The following SEC24B variants were observed in gnomAD, a reference collection of about 807,000 sequenced individuals.
The protein encoded by SEC24B is protein transport protein Sec24B.
A neutral mutation model predicts 142.8 loss-of-function variants in SEC24B; 45 were observed. The ratio of observed to expected loss-of-function variants is 0.32; its 90% CI spans 0.25 to 0.40. SEC24B has a LOEUF of 0.40. Among genes scored for constraint, SEC24B ranks in the 10% least tolerant of loss-of-function variants. SEC24B has a pLI of 1.00. For synonymous variants in SEC24B, 574 were observed against 568.2 expected (o/e 1.01, Z -0.15); for missense variants, 1,409 against 1,526.8 (o/e 0.92, Z 1.29).
At chr4:109,436,653 G>A (rs1168670683) in intron 1 of SEC24B, among the ~76,000 whole-genome samples, 2 of 152,172 alleles carry the variant, frequency 1.3e-5, no homozygotes, top group African/African-American at 4.8e-5. Flanking sequence ...ACTTAGGATG[G>A]GTCTCCTAGA....
At chr4:109,496,783 AT>A (rs1292198608) in intron 6 of SEC24B, among the ~76,000 whole-genome samples, 1 of 152,156 alleles carries the variant, frequency 6.6e-6, no homozygotes, top group Non-Finnish European at 1.5e-5. Flanking sequence ...TCTGCCTCCC[AT>A]TTTGCTAGAT....
At chr4:109,477,006 G>A (rs911899498) in intron 3 of SEC24B, among the ~76,000 whole-genome samples, 16 of 150,584 alleles carry the variant, frequency 1.1e-4, no homozygotes, top group African/African-American at 3.6e-4. Context: ...GCGTAGTGGC[G>A]GGCGCCTGTA....
chr4:109,452,493 T>A (rs565667176), intron 1 of SEC24B, among the ~76,000 whole-genome samples: 1 of 152,340 alleles, frequency 6.6e-6, no homozygotes, highest in South Asian at 2.1e-4. Flanking sequence ...TATAACAAAT[T>A]GCCAGATTAT....
At chr4:109,482,979 T>TATATATACACACAC (rs781527364) in intron 4 of SEC24B, among the ~76,000 whole-genome samples, 2 of 26,410 alleles carry the variant, frequency 7.6e-5, no homozygotes, top group Non-Finnish European at 1.5e-4. Flanking sequence ...TATATATATA[T>TATATATACACACAC]ACACACACAC....
chr4:109,506,204 T>C, intron 6 of SEC24B, 124 bp from the exon 7 acceptor site: 1 of 587,950 alleles, frequency 1.7e-6, no homozygotes. Flanking sequence ...ATTGACTGCA[T>C]ACCAAGCCAG....
chr4:109,439,558 A>G (rs1728740137), intron 1 of SEC24B, among the ~76,000 whole-genome samples: 6 of 126,464 alleles, frequency 4.7e-5, no homozygotes. Context: ...GCTGGAATAC[A>G]ATGGCACAAT....
chr4:109,519,426 G>A (rs1261426415), intron 11 of SEC24B, among the ~76,000 whole-genome samples: 3 of 152,200 alleles, frequency 2.0e-5, no homozygotes, highest in African/African-American at 4.8e-5. Context: ...GAAAGTGACA[G>A]AATAGCAACA....
At position 109,537,942 on chromosome 4, in the gene SEC24B, C is replaced by A. The variant is rs556077214; in HGVS notation, c.3589-551C>A. On this transcript the variant is annotated intron_variant, in intron 22 of 23. Transcript: ENST00000265175. ...TTGGCTTTGAAAAAGGAAAGTAAAT[C>A]TTACCTTTTTATGTATATAAAAAAT... Among the ~76,000 whole-genome samples the A allele has an allele frequency of 3.3e-5, 5 of 152,134 alleles. No homozygotes were observed. The East Asian group carries it at 5.8e-4, about 18-fold the overall frequency.
chr4:109,516,461 A>G (rs2126061005), intron 10 of SEC24B, 67 bp from the exon 11 acceptor site: 1 of 877,308 alleles, frequency 1.1e-6, no homozygotes, highest in East Asian at 2.7e-5. Context: ...ATCCAGTAGC[A>G]ATAGTAATAT....
At chr4:109,460,891 T>G (rs1731191315) in intron 1 of SEC24B, among the ~76,000 whole-genome samples, 1 of 151,778 alleles carries the variant, frequency 6.6e-6, no homozygotes, top group Non-Finnish European at 1.5e-5. Flanking sequence ...TAAAACATGG[T>G]TTTATAGTTT....
At chr4:109,516,696 G>A (rs1722971077) in intron 11 of SEC24B, 56 bp downstream of exon 11, 2 of 1,014,606 alleles carry the variant, frequency 2.0e-6, no homozygotes, top group Non-Finnish European at 1.5e-6. Context: ...ATATAAATGT[G>A]TATAAATATG....
intron 3 of SEC24B, among the ~76,000 whole-genome samples, chr4:109,476,888 A>T (rs1414699672): frequency 6.6e-6 from 1 of 152,108 alleles, no homozygotes; most frequent in Non-Finnish European, 1.5e-5. Context: ...CTGTAATCCC[A>T]GCACTTTGGG....
intron 22 of SEC24B, among the ~76,000 whole-genome samples, chr4:109,535,318 C>T (rs569873544): frequency 6.6e-6 from 1 of 152,166 alleles, no homozygotes; most frequent in African/African-American, 2.4e-5. Flanking sequence ...CTTTGGGAAG[C>T]CTAGGTGGGT....
chr4:109,523,992 ATG>A (rs1723947129), intron 14 of SEC24B, among the ~76,000 whole-genome samples: 1 of 152,190 alleles, frequency 6.6e-6, no homozygotes, highest in South Asian at 2.1e-4. Context: ...TAAAATAAGT[ATG>A]TATTTTAAAC....
chr4:109,506,039 AT>A (rs1481926797), intron 6 of SEC24B, among the ~76,000 whole-genome samples: 2 of 152,204 alleles, frequency 1.3e-5, no homozygotes, highest in Non-Finnish European at 2.9e-5. Context: ...TGGGGCACTT[AT>A]CGTGTTTTTC....
Position 109,513,362 on chromosome 4 carries a change from C to A in SEC24B, c.1904-385C>A, listed in dbSNP as rs1737583340. Among the ~76,000 whole-genome samples the A allele has an allele frequency of 2.6e-5, 4 of 151,396 alleles. No homozygotes were observed. In the South Asian group the frequency reaches 6.3e-4, roughly 24 times the overall value. On this transcript the variant is annotated intron_variant, in intron 9 of 23. Transcript: ENST00000265175. ...GCAGTGGTGTAATCTCAGCTCACTG[C>A]AACCTCTGCCTCCCAGGTTCAAGCA...
chr4:109,510,354 C>T (rs1737186688), intron 8 of SEC24B, among the ~76,000 whole-genome samples: 1 of 152,142 alleles, frequency 6.6e-6, no homozygotes, highest in South Asian at 2.1e-4. Flanking sequence ...TCTTATCTAA[C>T]AGGGAACAAA....
intron 1 of SEC24B, chr4:109,449,425 T>A (rs1182298402): frequency 3.3e-5 from 13 of 395,516 alleles, no homozygotes; most frequent in Non-Finnish European, 5.1e-5. Context: ...AGAGACGGGA[T>A]TTCACCATGT....
intron 1 of SEC24B, among the ~76,000 whole-genome samples, chr4:109,456,183 G>A (rs1425650940): frequency 6.6e-6 from 1 of 151,856 alleles, no homozygotes; most frequent in African/African-American, 2.4e-5. Flanking sequence ...GTTTACTACT[G>A]ATCTTTAGAG....
Sources: allele counts gnomAD v4.1 joint callset (sites outside exome capture counted in the v4.1 genomes callset), GRCh38; gene constraint gnomAD v4.1.1; transcripts MANE v1.5; gene names NCBI Gene and HGNC (gene_info 2026-07-23, HGNC 2026-07-21).